VIPAS39: variants seen among roughly 807,000 people sequenced by gnomAD.
VIPAS39 encodes the protein VPS33B interacting protein, apical-basolateral polarity regulator, spe-39 homolog, also known as spermatogenesis-defective protein 39 homolog.
Under a neutral mutation model 84.7 loss-of-function variants are expected in VIPAS39, and 63 were observed. The observed-to-expected ratio is 0.74, with a 90% CI of 0.61 to 0.92. The LOEUF is 0.92. Among genes scored for constraint, VIPAS39 ranks in the 40% least tolerant of loss-of-function variants. The probability of loss-of-function intolerance (pLI) is 0.00; values close to 1 mark genes in which losing one functional copy is unlikely to be tolerated. For missense variants in VIPAS39, 499 were observed against 604.5 expected, an observed-to-expected ratio of 0.83 and a Z score of 1.83; for synonymous variants, 192 against 216.5, an observed-to-expected ratio of 0.89 and a Z score of 0.99.
intron 4 of VIPAS39, among the ~76,000 whole-genome samples, chr14:77,450,557 CTAG>C (rs2078866367): frequency 6.6e-6 from 1 of 152,190 alleles, no homozygotes; most frequent in Non-Finnish European, 1.5e-5. Flanking sequence ...GTCACCCAGG[CTAG>C]ACTGCAGTAG....
chr14:77,430,258 AAC>A (rs1243437879), intron 16 of VIPAS39, among the ~76,000 whole-genome samples: 1 of 152,222 alleles, frequency 6.6e-6, no homozygotes, highest in Non-Finnish European at 1.5e-5. Flanking sequence ...TGATTTTGAC[AAC>A]AGACACATAT....
chr14:77,454,473 G>A (rs1386348727), intron 1 of VIPAS39, among the ~76,000 whole-genome samples: 3 of 152,076 alleles, frequency 2.0e-5, no homozygotes, highest in Non-Finnish European at 4.4e-5. Flanking sequence ...TCAGGAGTTC[G>A]AGACCAGCCT....
Position 77,435,943 on chromosome 14 carries a change from TA to T in VIPAS39, c.837-25del, listed in dbSNP as rs1412401964. Reference sequence around the variant, plus strand: ...AACTGGTAGAGTGCCAGAAGGTTAGTACCTTTCTCTATTCAAACAAGGAAAC... The same window carrying T: ...AACTGGTAGAGTGCCAGAAGGTTAGTCCTTTCTCTATTCAAACAAGGAAAC... On this transcript the variant is annotated intron_variant, in intron 12 of 19. Transcript: ENST00000557658. 3 of 1,613,198 alleles carry T rather than the reference TA, an allele frequency of 1.9e-6. No homozygotes were observed. In the South Asian group the frequency reaches 3.3e-5, roughly 18 times the overall value.
chr14:77,432,088 C>A (rs1402946854), intron 16 of VIPAS39, among the ~76,000 whole-genome samples: 5 of 151,982 alleles, frequency 3.3e-5, no homozygotes, highest in African/African-American at 1.2e-4. Flanking sequence ...AGGAGTTTTG[C>A]TAAATGAGTA....
chr14:77,451,022 T>C (rs140415872), intron 4 of VIPAS39, among the ~76,000 whole-genome samples, 165 bp downstream of exon 4: 97 of 152,344 alleles, frequency 6.4e-4, no homozygotes, highest in Non-Finnish European at 1.0e-3. Context: ...CCAACTCCTC[T>C]GAATTTCTCT....
Position 77,433,858 on chromosome 14 carries a change from G to T in VIPAS39, c.1163C>A (p.Ala388Asp). 6.2e-7 allele frequency: 1 copy of T among 1,613,924 alleles called. No individual in the cohort carries two copies. ...AKLRAWNDVDALFTTKNWLGY... is the reference protein window; with the variant it reads ...AKLRAWNDVDDLFTTKNWLGY... ...GGCACACACCTTTGTGGTGAATAGG[G>T]CATCTACATCATTCCAGGCTCGAAG... Residue 388 changes from alanine to aspartate, a missense_variant, in exon 16 of 20, where the codon GCC (alanine) becomes GAC (aspartate). Ala to Asp is a moderately radical substitution (Grantham distance 126). Transcript: ENST00000557658.
At chr14:77,457,025 G>A (rs2078970922) in intron 1 of VIPAS39, 1 of 1,297,010 alleles carries the variant, frequency 7.7e-7, no homozygotes, top group Non-Finnish European at 9.9e-7. Context: ...ACTTTACAAA[G>A]GAAAACAGAA....
At chr14:77,448,660 T>A (rs1030349462) in intron 6 of VIPAS39, 110 bp from the exon 7 acceptor site, 4 of 1,153,082 alleles carry the variant, frequency 3.5e-6, no homozygotes, top group Non-Finnish European at 1.3e-6. Context: ...AAATAATTTG[T>A]GGGAGGGAAT....
At chr14:77,457,201 T>G (rs1594934019) in intron 1 of VIPAS39, 1 of 1,504,488 alleles carries the variant, frequency 6.6e-7, no homozygotes, top group Non-Finnish European at 8.8e-7. Context: ...ACTCTACGGG[T>G]GAACGTCCAG....
At chr14:77,454,588 C>T (rs974556122) in intron 1 of VIPAS39, among the ~76,000 whole-genome samples, 3 of 150,102 alleles carry the variant, frequency 2.0e-5, no homozygotes, top group African/African-American at 7.3e-5. Context: ...GCAGGAGAAT[C>T]GCTTGAACCC....
At chr14:77,451,163 A>G in intron 4 of VIPAS39, 24 bp downstream of exon 4, 3 of 1,614,160 alleles carry the variant, frequency 1.9e-6, no homozygotes, top group Non-Finnish European at 2.5e-6. Flanking sequence ...GGACTTCCCT[A>G]TCCATTTAAG....
intron 16 of VIPAS39, among the ~76,000 whole-genome samples, chr14:77,432,842 G>A (rs931460536): frequency 3.3e-5 from 5 of 152,190 alleles, no homozygotes; most frequent in Admixed American, 1.3e-4. Context: ...TAATAATAGT[G>A]TAGTGTATAC....
chr14:77,439,406 G>C (rs2078665108), intron 11 of VIPAS39, among the ~76,000 whole-genome samples: 1 of 152,124 alleles, frequency 6.6e-6, no homozygotes, highest in Non-Finnish European at 1.5e-5. Flanking sequence ...GATTACTACA[G>C]GCTGCCAATC....
At chr14:77,429,151 C>G in intron 17 of VIPAS39, 56 bp from the exon 18 acceptor site, 1 of 1,519,202 alleles carries the variant, frequency 6.6e-7, no homozygotes, top group Non-Finnish European at 9.1e-7. Flanking sequence ...GCACAGAGCT[C>G]TACAAGGTAG....
chr14:77,455,205 G>A (rs2078942181), intron 1 of VIPAS39, among the ~76,000 whole-genome samples: 1 of 152,170 alleles, frequency 6.6e-6, no homozygotes, highest in African/African-American at 2.4e-5. Flanking sequence ...AAACTAGGCA[G>A]GGCACAGTGG....
At chr14:77,455,078 G>C (rs937219840) in intron 1 of VIPAS39, among the ~76,000 whole-genome samples, 3 of 152,160 alleles carry the variant, frequency 2.0e-5, no homozygotes, top group African/African-American at 7.2e-5. Flanking sequence ...TGAGAAATGA[G>C]GGGATGGCCA....
Position 77,434,768 on chromosome 14 carries a change from G to A in VIPAS39, c.1048-465C>T, listed in dbSNP as rs146211808. Among the ~76,000 whole-genome samples the A allele has an allele frequency of 9.1e-3, 1,374 of 151,624 alleles. 8 individuals carry two copies. The highest frequency in any genetic ancestry group is 0.027 in the Middle Eastern group (8 of 292). On this transcript the variant is annotated intron_variant, in intron 14 of 19. Transcript: ENST00000557658. ...AAAAAAATTAGCGGGGAGTGGTGGC[G>A]CACACCTGTGATCCCAGCTACTCAG...
At chr14:77,447,692 C>CCAGAGA (rs1245147258) in intron 7 of VIPAS39, among the ~76,000 whole-genome samples, 1 of 152,212 alleles carries the variant, frequency 6.6e-6, no homozygotes, top group African/African-American at 2.4e-5. Flanking sequence ...CGGAGTTTCA[C>CCAGAGA]TCTTGTTGCC....
At chr14:77,428,896 A>G in intron 18 of VIPAS39, 110 bp downstream of exon 18, 1 of 973,840 alleles carries the variant, frequency 1.0e-6, no homozygotes, top group Non-Finnish European at 1.6e-6. Flanking sequence ...CTGTCCATTC[A>G]GTCAAACCTG....
Sources: allele counts gnomAD v4.1 joint callset (sites outside exome capture counted in the v4.1 genomes callset), GRCh38; gene constraint gnomAD v4.1.1; transcripts MANE v1.5; gene names NCBI Gene and HGNC (gene_info 2026-07-23, HGNC 2026-07-21).